Variants in PTPN21 observed in about 807,000 individuals in gnomAD.
PTPN21 encodes the protein protein tyrosine phosphatase non-receptor type 21.
In PTPN21, 77 loss-of-function variants were observed where a neutral mutation model predicts 131.8. The observed-to-expected ratio is 0.58, with a 90% CI of 0.49 to 0.71. The LOEUF (loss-of-function observed/expected upper bound fraction) is 0.71. Ranked by LOEUF, PTPN21 falls within the 30% of genes least tolerant of loss-of-function variation. The probability of loss-of-function intolerance (pLI) is 0.00; values close to 1 mark genes in which losing one functional copy is unlikely to be tolerated. For synonymous variants in PTPN21, 715 were observed against 621.3 expected (o/e 1.15, Z -2.24); for missense variants, 1,552 against 1,527.1 (o/e 1.02, Z -0.27).
chr14:88,479,767 G>A lies in PTPN21; in HGVS notation c.1664C>T (p.Pro555Leu), dbSNP rs779947436. ...AQLQAQDYPS[P>L]NIMRTQVYRP... ...GTACACCTGCGTCCGCATGATGTTG[G>A]GAGACGGGTAGTCCTGCGCCTGCAG... Residue 555 changes from proline to leucine, a missense_variant, in exon 13 of 19, where the codon CCC becomes CTC. Pro to Leu is a moderately conservative substitution (Grantham distance 98). Around this residue, in one of 4 missense-constraint regions of PTPN21, gnomAD observed 1,016 missense variants for 883.5 expected, o/e 1.15. Coordinates refer to ENST00000556564, the MANE Select transcript of PTPN21 (RefSeq NM_007039.4). 4.1e-5 allele frequency: 63 copies of A among 1,545,618 alleles called. No homozygotes were observed. The East Asian group carries it at 1.4e-3, about 34-fold the overall frequency.
At position 88,478,790 on chromosome 14, in the gene PTPN21, G is replaced by A. The variant is rs554011944; in HGVS notation, c.2511+130C>T. The A allele has an allele frequency of 1.2e-5, 6 of 502,548 alleles. No homozygotes were observed. The South Asian group carries it at 3.6e-4, about 31-fold the overall frequency. 31.1% of individuals were successfully genotyped at this position (502,548 alleles called of 1,614,324 possible). A position where few individuals can be genotyped will look rare whatever the true frequency, so the allele number is the denominator to read the frequency against. ...ATGTGTTCAGAATTAGACAAAAAGAGAGTGACGTGGGGGAATGAAGAACGT... is the reference window on the plus strand; with the variant it reads ...ATGTGTTCAGAATTAGACAAAAAGAAAGTGACGTGGGGGAATGAAGAACGT... On this transcript the variant is annotated intron_variant, in intron 13 of 18. Transcript: ENST00000556564.
chr14:88,524,637 T>C (rs960598098), intron 2 of PTPN21, among the ~76,000 whole-genome samples: 2 of 152,214 alleles, frequency 1.3e-5, no homozygotes, highest in Non-Finnish European at 2.9e-5. Context: ...CCAGGCACAG[T>C]GGCTGATGCC....
At position 88,550,506 on chromosome 14, in the gene PTPN21, C is replaced by A. The variant is rs909358309; in HGVS notation, c.-89G>T. 7.6e-7 allele frequency: 1 copy of A among 1,308,102 alleles called. No homozygotes were observed. 81.0% of individuals were successfully genotyped at this position (1,308,102 alleles called of 1,614,324 possible). A position where few individuals can be genotyped will look rare whatever the true frequency, so the allele number is the denominator to read the frequency against. Reference sequence around the variant, plus strand: ...GGTGACGCCAGGAGAAAGCGATCCTCTCCGGATGGGACGAACACTGTCCGG... The same window carrying A: ...GGTGACGCCAGGAGAAAGCGATCCTATCCGGATGGGACGAACACTGTCCGG... On this transcript the variant is annotated 5_prime_UTR_variant, in exon 2 of 19. Transcript: ENST00000556564.
Position 88,466,033 on chromosome 14 carries a change from A to G in PTPN21, c.*2104T>C, listed in dbSNP as rs1186266545. On this transcript the variant is annotated 3_prime_UTR_variant, in exon 19 of 19. Coordinates refer to ENST00000556564, the MANE Select transcript of PTPN21 (RefSeq NM_007039.4). The stretch of plus-strand genomic sequence containing the variant: ...GAGCTATGTCAAACTGTTTGTTTAA[A>G]CCTGACAGAAAAGCATTTTCACAAA... 1 of 151,732 alleles carries G rather than the reference A, an allele frequency of 6.6e-6. No homozygotes were observed. The highest frequency in any genetic ancestry group is 2.4e-5 in the African/African-American group (1 of 41,248). The allele number at this position is 151,732 out of a possible 1,614,324, so 9.4% of individuals were successfully genotyped here.
intron 10 of PTPN21, chr14:88,492,960 T>G: frequency 2.6e-6 from 1 of 386,102 alleles, no homozygotes; most frequent in Admixed American, 3.3e-5. Context: ...CAAATGAAAA[T>G]GATCTGTCAG....
intron 8 of PTPN21, among the ~76,000 whole-genome samples, chr14:88,498,862 AAG>A (rs963186258): frequency 4.1e-4 from 62 of 152,104 alleles, no homozygotes; most frequent in African/African-American, 1.3e-3. Flanking sequence ...ATTTTATAAA[AAG>A]AAAAAATTAT....
intron 2 of PTPN21, among the ~76,000 whole-genome samples, chr14:88,546,144 T>C (rs1401374559): frequency 6.6e-6 from 1 of 151,886 alleles, no homozygotes; most frequent in Non-Finnish European, 1.5e-5. Context: ...TAGACACTTG[T>C]AAAAATATGA....
In PTPN21 at chr14:88,473,676, T is replaced by C. The variant is rs772916573; in HGVS notation, c.2638A>G (p.Asn880Asp). 155 of 1,613,018 alleles carry C rather than the reference T, an allele frequency of 9.6e-5. No homozygotes were observed. The highest frequency in any genetic ancestry group is 1.3e-4 in the Non-Finnish European group (155 of 1,179,850). ...TGTCCCATACATACCCTTTCATCAT[T>C]CGTTGCTCTGGTAGCCACTTCCTTT... The part of the protein sequence containing the change: ...EGKEVATRAT[N>D]DERCKILEQR... Residue 880 changes from asparagine to aspartate, a missense_variant, in exon 14 of 19, where the codon AAT becomes GAT. Transcript: ENST00000556564.
Position 88,468,936 on chromosome 14 carries a change from C to T in PTPN21, c.3376G>A (p.Ala1126Thr), listed in dbSNP as rs189968109. The change falls in exon 18 of 19, where the codon GCC (alanine) becomes ACC (threonine). Residue 1126 changes from alanine to threonine, a missense_variant. Ala to Thr is a moderately conservative substitution (Grantham distance 58, BLOSUM62 0). Coordinates refer to ENST00000556564, the MANE Select transcript of PTPN21 (RefSeq NM_007039.4). ...GVVILSEIMI[A>T]CLEHNEVLDI... ...ATCACCTCATTGTGTTCCAGGCAGG[C>T]GATCATGATCTCCGACAAAATCACC... 1.2e-4 allele frequency: 198 copies of T among 1,614,142 alleles called. 1 individual carries two copies. Among genetic ancestry groups the T allele is most frequent in the Admixed American group, 4.8e-4 (29 of 60,012 alleles).
intron 1 of PTPN21, among the ~76,000 whole-genome samples, chr14:88,553,886 AT>A (rs1181911960): frequency 6.6e-6 from 1 of 152,178 alleles, no homozygotes; most frequent in African/African-American, 2.4e-5. Context: ...AGTATGTGAC[AT>A]TTTTAGAGTA....
chr14:88,517,449 T>G (rs2078291152), intron 2 of PTPN21, among the ~76,000 whole-genome samples, 188 bp from the exon 3 acceptor site: 1 of 152,012 alleles, frequency 6.6e-6, no homozygotes, highest in South Asian at 2.1e-4. Flanking sequence ...TAGCTACTCA[T>G]ATTCAGGAAA....
chr14:88,511,080 A>AT (rs1047859032), intron 3 of PTPN21, among the ~76,000 whole-genome samples: 1 of 151,572 alleles, frequency 6.6e-6, no homozygotes, highest in Non-Finnish European at 1.5e-5. Context: ...AGCTGGCTAA[A>AT]TTTTTTTTAA....
At position 88,496,350 on chromosome 14, in the gene PTPN21, A is replaced by C. The variant is rs2077915695; in HGVS notation, c.932+63T>G. ...AATGTCTTTCTTGATGATACAGTATACTCAAGATTACAATTTCTAAATTCA... is the reference window on the plus strand; with the variant it reads ...AATGTCTTTCTTGATGATACAGTATCCTCAAGATTACAATTTCTAAATTCA... On this transcript the variant is annotated intron_variant, in intron 10 of 18. Transcript: ENST00000556564. 77 of 1,357,704 alleles carry C rather than the reference A, an allele frequency of 5.7e-5. No homozygotes were observed. The South Asian group carries it at 9.1e-4, about 16-fold the overall frequency. The allele number at this position is 1,357,704 out of a possible 1,614,324, so 84.1% of individuals were successfully genotyped here. A position where few individuals can be genotyped will look rare whatever the true frequency, so the allele number is the denominator to read the frequency against.
At chr14:88,515,129 TCTGTGGAGC>T (rs1330397997) in intron 3 of PTPN21, 4 of 152,204 alleles carry the variant, frequency 2.6e-5, no homozygotes, top group African/African-American at 9.6e-5. Flanking sequence ...CCTTGAAGAC[TCTGTGGAGC>T]TGTCAGACAA....
At chr14:88,523,759 C>T (rs1445663233) in intron 2 of PTPN21, among the ~76,000 whole-genome samples, 2 of 144,570 alleles carry the variant, frequency 1.4e-5, no homozygotes, top group Non-Finnish European at 1.6e-5. Context: ...ACACACACCC[C>T]TGCCCTACTC....
chr14:88,514,551 G>T (rs929809240), intron 3 of PTPN21, among the ~76,000 whole-genome samples: 1 of 150,734 alleles, frequency 6.6e-6, no homozygotes, highest in African/African-American at 2.4e-5. Flanking sequence ...TGCAACCTCC[G>T]CCTCCCGAGT....
intron 18 of PTPN21, 99 bp downstream of exon 18, chr14:88,468,817 A>T: frequency 1.3e-6 from 2 of 1,491,952 alleles, no homozygotes; most frequent in Non-Finnish European, 1.9e-6. Context: ...ACCACAGTCC[A>T]AGGAAATGTG....
chr14:88,540,321 T>A (rs1414743332), intron 2 of PTPN21, among the ~76,000 whole-genome samples: 1 of 152,124 alleles, frequency 6.6e-6, no homozygotes, highest in African/African-American at 2.4e-5. Flanking sequence ...ATACACAGGG[T>A]TACACATATG....
chr14:88,550,151 T>C, intron 2 of PTPN21, 87 bp downstream of exon 2: 2 of 1,361,442 alleles, frequency 1.5e-6, no homozygotes, highest in South Asian at 2.7e-5. Context: ...TGACCTCAGG[T>C]GATCCACCAG....
Sources: allele counts gnomAD v4.1 joint callset (sites outside exome capture counted in the v4.1 genomes callset), GRCh38; gene constraint gnomAD v4.1.1; regional missense constraint gnomAD v4.1.1; transcripts MANE v1.5; gene names NCBI Gene and HGNC (gene_info 2026-07-23, HGNC 2026-07-21).